SNPH: variants seen among roughly 807,000 people sequenced by gnomAD.
SNPH encodes syntaphilin.
A neutral mutation model predicts 36.8 loss-of-function variants in SNPH; 10 were observed. The observed-to-expected ratio is 0.27, with a 90% CI of 0.17 to 0.46. SNPH has a LOEUF of 0.46. Ranked by LOEUF, SNPH falls within the 20% of genes least tolerant of loss-of-function variation. The pLI is 1.00. For synonymous variants in SNPH, 281 were observed against 312.2 expected, an observed-to-expected ratio of 0.90 and a Z score of 1.05; for missense variants, 622 against 744.0, an observed-to-expected ratio of 0.84 and a Z score of 1.91.
In SNPH at chr20:1,297,077, G is replaced by C. The variant is rs2088445988; in HGVS notation, c.183-68G>C. 4 of 1,534,962 alleles carry C rather than the reference G, an allele frequency of 2.6e-6. No individual in the cohort carries two copies. In the East Asian group the frequency reaches 7.3e-5, roughly 28 times the overall value. On this transcript the variant is annotated intron_variant, in intron 4 of 6. Coordinates refer to ENST00000381867, the MANE Select transcript of SNPH (RefSeq NM_001318234.2). ...CACTTTGGGCCGCAGCGGCCTGGCA[G>C]TGTTCGCCCAGTGTCCGCAGCTGCC...
Position 1,288,507 on chromosome 20 carries a change from G to A in SNPH, c.-492-6444G>A, listed in dbSNP as rs1378923602. ...TGGGACGCAGCAGTTGTTGGAAGAG[G>A]AAAGAGCAGTGCTCCTCATGGAAAG... On this transcript the variant is annotated intron_variant, in intron 2 of 6. Coordinates refer to ENST00000381867, the MANE Select transcript of SNPH (RefSeq NM_001318234.2). Among the ~76,000 whole-genome samples the A allele has an allele frequency of 3.9e-5, 6 of 152,344 alleles. No homozygotes were observed. In the East Asian group the frequency reaches 9.6e-4, roughly 24 times the overall value.
intron 2 of SNPH, among the ~76,000 whole-genome samples, chr20:1,272,211 G>A (rs1357975229): frequency 6.6e-6 from 1 of 152,210 alleles, no homozygotes; most frequent in African/African-American, 2.4e-5. Context: ...CAATTGGGCT[G>A]CTGGGGTTTG....
rs2088013654 is a variant in SNPH at position 1,266,942 on chromosome 20, C to A, written c.-493+182C>A. On this transcript the variant is annotated intron_variant, in intron 2 of 6. Transcript: ENST00000381867. This position sits in a 1 kb window ranked among gnomAD's most constrained non-coding sequence, Gnocchi z 6.0. ...ATCCCTTTAAGCGCTTCCCTCCCTC[C>A]CCCTCCCTGAAATGTAAGAATTAGA... Among the ~76,000 whole-genome samples, 1 of 152,150 alleles carries A rather than the reference C, an allele frequency of 6.6e-6. No individual in the cohort carries two copies. The highest frequency in any genetic ancestry group is 1.5e-5 in the Non-Finnish European group (1 of 68,002).
chr20:1,300,856 AT>A, intron 6 of SNPH, 145 bp downstream of exon 6: 1 of 829,162 alleles, frequency 1.2e-6, no homozygotes, highest in Non-Finnish European at 1.8e-6. Context: ...GCAAAGCCTC[AT>A]TTGAGCCCAC....
intron 2 of SNPH, among the ~76,000 whole-genome samples, chr20:1,280,274 A>G (rs2088201381): frequency 6.6e-6 from 1 of 152,212 alleles, no homozygotes; most frequent in African/African-American, 2.4e-5. Flanking sequence ...AGACTGGTCT[A>G]CAGGTGGGGA....
At chr20:1,298,144 G>A (rs1600261525) in intron 5 of SNPH, among the ~76,000 whole-genome samples, 2 of 151,860 alleles carry the variant, frequency 1.3e-5, no homozygotes, top group Admixed American at 1.3e-4. Context: ...AACGAGCATA[G>A]GCTCTGGATT....
At chr20:1,273,038 CAG>C (rs1470942417) in intron 2 of SNPH, among the ~76,000 whole-genome samples, 1 of 152,360 alleles carries the variant, frequency 6.6e-6, no homozygotes, top group Admixed American at 6.5e-5. Flanking sequence ...AAGAGGGGTG[CAG>C]AGAGACTCCT....
At position 1,285,670 on chromosome 20, in the gene SNPH, T is replaced by G. The variant is rs1380785281; in HGVS notation, c.-492-9281T>G. On this transcript the variant is annotated intron_variant, in intron 2 of 6. Transcript: ENST00000381867. The surrounding 1 kb of genome is among the most constrained non-coding windows in gnomAD (Gnocchi z 4.9). ...CCACTGTCATAAAGATGGTGGGTGG[T>G]GGAGTTTGGAATTCAGAGTTCCAAA... Among the ~76,000 whole-genome samples the G allele has an allele frequency of 1.3e-5, 2 of 152,146 alleles. No homozygotes were observed. The highest frequency in any genetic ancestry group is 2.9e-5 in the Non-Finnish European group (2 of 68,020).
rs547414137 is a variant in SNPH, at chr20:1,285,664, G to GGGT, written c.-492-9281_-492-9279dup. Among the ~76,000 whole-genome samples, 19 of 152,292 alleles carry GGGT rather than the reference G, an allele frequency of 1.2e-4. No individual in the cohort carries two copies. The South Asian group carries it at 3.9e-3, about 32-fold the overall frequency. On this transcript the variant is annotated intron_variant, in intron 2 of 6. Coordinates refer to ENST00000381867, the MANE Select transcript of SNPH (RefSeq NM_001318234.2). The surrounding 1 kb of genome is among the most constrained non-coding windows in gnomAD (Gnocchi z 4.9). ...GCATTCCCACTGTCATAAAGATGGT[G>GGGT]GGTGGTGGAGTTTGGAATTCAGAGT... is the stretch of plus-strand genomic sequence containing the variant.
Position 1,266,443 on chromosome 20 carries a change from C to A in SNPH, c.-600+46C>A. On this transcript the variant is annotated intron_variant, in intron 1 of 6. Coordinates refer to ENST00000381867, the MANE Select transcript of SNPH (RefSeq NM_001318234.2). The surrounding 1 kb of genome is among the most constrained non-coding windows in gnomAD (Gnocchi z 6.0). The stretch of plus-strand genomic sequence containing the variant: ...GATCTCCGGGCCCACCGCCCAGCTG[C>A]ACCCGCCGCAGTCCAGAGTGCCGAG... The A allele has an allele frequency of 1.7e-6, 1 of 603,610 alleles. No homozygotes were observed. The highest frequency in any genetic ancestry group is 2.6e-6 in the Non-Finnish European group (1 of 390,104). 37.4% of individuals were successfully genotyped at this position (603,610 alleles called of 1,614,324 possible).
At chr20:1,282,092 G>A (rs1476751681) in intron 2 of SNPH, among the ~76,000 whole-genome samples, 3 of 152,218 alleles carry the variant, frequency 2.0e-5, no homozygotes, top group African/African-American at 7.2e-5. Flanking sequence ...AGTGCTGGTG[G>A]TTTGATCAAG....
rs1423248306 is a variant in SNPH, at chr20:1,294,222, T to C, written c.-492-729T>C. 6.6e-6 allele frequency among the ~76,000 whole-genome samples: 1 copy of C among 152,172 alleles called. No homozygotes were observed. The highest frequency in any genetic ancestry group is 2.4e-5 in the African/African-American group (1 of 41,446). On this transcript the variant is annotated intron_variant, in intron 2 of 6. Transcript: ENST00000381867. This position sits in a 1 kb window ranked among gnomAD's most constrained non-coding sequence, Gnocchi z 4.4. ...AAAGCCGGCCTTGAAGGATTGCTGC[T>C]TCAAGTAATGGGCCAAGGCAGACGA...
chr20:1,275,743 T>A (rs1373070298), intron 2 of SNPH, among the ~76,000 whole-genome samples: 1 of 152,150 alleles, frequency 6.6e-6, no homozygotes, highest in Non-Finnish European at 1.5e-5. Context: ...GCCCTGGACC[T>A]GATAGGAGTG....
At position 1,305,247 on chromosome 20, in the gene SNPH, C is replaced by A; in HGVS notation, c.810C>A (p.Asp270Glu). The change falls in exon 7 of 7, where the codon GAC becomes GAA. Residue 270 changes from aspartate (D) to glutamate (E), a missense_variant. By Grantham distance (45) the Asp-to-Glu change is conservative. This residue lies in a region of SNPH where 379 missense variants were observed against 427.9 expected (regional missense o/e 0.89). Coordinates refer to ENST00000381867, the MANE Select transcript of SNPH (RefSeq NM_001318234.2). The part of the protein sequence containing the change: ...TKLSDPAVCG[D>E]RQPGDPSSGS... ...TGAGTGACCCGGCTGTCTGTGGTGA[C>A]CGCCAGCCGGGTGATCCCTCCAGCG... The A allele has an allele frequency of 6.2e-7, 1 of 1,611,034 alleles. No individual in the cohort carries two copies. The highest frequency in any genetic ancestry group is 1.7e-4 in the Middle Eastern group (1 of 6,058).
chr20:1,300,720 G>T lies in SNPH; in HGVS notation c.440+9G>T. 1 of 1,607,626 alleles carries T rather than the reference G, an allele frequency of 6.2e-7. No individual in the cohort carries two copies. The highest frequency in any genetic ancestry group is 8.5e-7 in the Non-Finnish European group (1 of 1,177,934). On this transcript the variant is annotated intron_variant, in intron 6 of 6. Coordinates refer to ENST00000381867, the MANE Select transcript of SNPH (RefSeq NM_001318234.2). ...GACCGGCTCCAGGACCGGTGAGCGG[G>T]TGGCCACGAGCAGCCCTGGGGGTAC...
intron 2 of SNPH, among the ~76,000 whole-genome samples, chr20:1,287,025 C>G (rs2088291666): frequency 6.6e-6 from 1 of 152,116 alleles, no homozygotes; most frequent in Non-Finnish European, 1.5e-5. Flanking sequence ...TTGCCGACTC[C>G]CAGTGGACCA....
chr20:1,296,440 C>T lies in SNPH; in HGVS notation c.182+19C>T. On this transcript the variant is annotated intron_variant, in intron 4 of 6. Coordinates refer to ENST00000381867, the MANE Select transcript of SNPH (RefSeq NM_001318234.2). Reference sequence around the variant, plus strand: ...CACGCAGGTGAGTCTCCCCCTCGCTCACAGCCTAGGCTTCGGAGGGCGGGA... The same window carrying T: ...CACGCAGGTGAGTCTCCCCCTCGCTTACAGCCTAGGCTTCGGAGGGCGGGA... 6.3e-7 allele frequency: 1 copy of T among 1,584,484 alleles called. No individual in the cohort carries two copies. Among genetic ancestry groups the T allele is most frequent in the Non-Finnish European group, 8.6e-7 (1 of 1,168,246 alleles).
chr20:1,296,417 C>T lies in SNPH; in HGVS notation c.178C>T (p.Arg60Cys), dbSNP rs370221463. Residue 60 changes from arginine (R) to cysteine (C), a missense_variant, in exon 4 of 7, where the codon CGC becomes TGC. Transcript: ENST00000381867. ...PGSRRTSAGS[R>C]RRTSPPVSVR... ...AAGTAGACGGACCTCTGCTGGATCA[C>T]GCAGGTGAGTCTCCCCCTCGCTCAC... 20 of 1,597,544 alleles carry T rather than the reference C, an allele frequency of 1.3e-5. No homozygotes were observed. Among genetic ancestry groups the T allele is most frequent in the African/African-American group, 2.7e-5 (2 of 73,662 alleles).
At chr20:1,267,610 G>T (rs2088024270) in intron 2 of SNPH, among the ~76,000 whole-genome samples, 1 of 152,198 alleles carries the variant, frequency 6.6e-6, no homozygotes, top group Non-Finnish European at 1.5e-5. Flanking sequence ...CTGCTCATCT[G>T]TTAGATGCAG....
Sources: gnomAD v4.1 joint callset for allele counts (sites outside exome capture counted in the v4.1 genomes callset) on GRCh38, gnomAD v4.1.1 for gene constraint, gnomAD v4.1.1 regional missense constraint, Gnocchi (gnomAD v3.1) non-coding constraint, MANE v1.5 for transcripts, NCBI Gene and HGNC (gene_info 2026-07-23, HGNC 2026-07-21) for gene names.